CCDC83: variants seen among roughly 807,000 people sequenced by gnomAD.
The protein encoded by CCDC83 is coiled-coil domain-containing protein 83.
A neutral mutation model predicts 50.1 loss-of-function variants in CCDC83; 54 were observed. The observed-to-expected ratio is 1.08, with a 90% CI of 0.87 to 1.35. CCDC83 has a LOEUF of 1.35. Among genes scored for constraint, CCDC83 ranks in the 40% most tolerant of loss-of-function variants. CCDC83 has a pLI of 0.00. For missense variants in CCDC83, 518 were observed against 473.9 expected (o/e 1.09, Z -0.86); for synonymous variants, 161 against 153.3 (o/e 1.05, Z -0.37).
rs752913568 is a variant in CCDC83, at chr11:85,911,373, CT to C, written c.766del (p.Cys256ValfsTer20). ...TGGTGCTTATTGATCAACTATCCAA[CT>C]GTAGACTTGTGGATCTCAAGATACC... ...NLVLIDQLSN[C>X]RLVDLKIPRR... On this transcript the variant is annotated frameshift_variant, in exon 8 of 11. Coordinates refer to ENST00000342404, the MANE Select transcript of CCDC83 (RefSeq NM_001286159.2). LOFTEE classifies it high-confidence loss of function. The C allele has an allele frequency of 4.3e-6, 7 of 1,609,848 alleles. No individual in the cohort carries two copies. The South Asian group carries it at 6.7e-5, about 15-fold the overall frequency.
At chr11:85,879,976 T>C (rs570333036) in intron 3 of CCDC83, among the ~76,000 whole-genome samples, 20 of 152,206 alleles carry the variant, frequency 1.3e-4, no homozygotes, top group Non-Finnish European at 2.1e-4. Context: ...CCTACCCCTC[T>C]GTCTATACCA....
At chr11:85,870,735 T>A (rs1334271158) in intron 2 of CCDC83, among the ~76,000 whole-genome samples, 1 of 152,230 alleles carries the variant, frequency 6.6e-6, no homozygotes, top group Non-Finnish European at 1.5e-5. Flanking sequence ...TTTATGGTCC[T>A]TCTTATATCC....
chr11:85,864,602 T>G (rs2093196376), intron 1 of CCDC83, among the ~76,000 whole-genome samples: 1 of 152,234 alleles, frequency 6.6e-6, no homozygotes. Context: ...ATTTGCTGTT[T>G]GTAACAACCC....
intron 3 of CCDC83, among the ~76,000 whole-genome samples, chr11:85,875,918 C>T (rs918210440): frequency 1.3e-5 from 2 of 152,182 alleles, no homozygotes; most frequent in African/African-American, 4.8e-5. Context: ...CTGTCTACTT[C>T]CCTACTCTCC....
intron 10 of CCDC83, 97 bp downstream of exon 10, chr11:85,916,330 A>C: frequency 1.1e-6 from 1 of 920,194 alleles, no homozygotes; most frequent in Non-Finnish European, 1.7e-6. Context: ...ATGGATATTG[A>C]AAATTCCATT....
chr11:85,906,049 A>C (rs2135118744), intron 7 of CCDC83, among the ~76,000 whole-genome samples: 1 of 151,688 alleles, frequency 6.6e-6, no homozygotes, highest in South Asian at 2.1e-4. Flanking sequence ...TATGATCCTA[A>C]TCAAATAACT....
chr11:85,865,153 G>T lies in CCDC83; in HGVS notation c.30G>T (p.Lys10Asn). The T allele has an allele frequency of 1.2e-6, 2 of 1,612,828 alleles. No homozygotes were observed. Among genetic ancestry groups the T allele is most frequent in the Non-Finnish European group, 1.7e-6 (2 of 1,178,934 alleles). The change falls in exon 2 of 11, where the codon AAG becomes AAT. Residue 10 changes from lysine to asparagine, a missense_variant. Coordinates refer to ENST00000342404, the MANE Select transcript of CCDC83 (RefSeq NM_001286159.2). ...AAAACTCAGGGAAAGCAAATAAAAA[G>T]GATACACATGACGGGCCACCAAAAG... MENSGKANK[K>N]DTHDGPPKEI...
intron 1 of CCDC83, among the ~76,000 whole-genome samples, chr11:85,860,182 G>A (rs1041310557): frequency 6.6e-6 from 1 of 151,484 alleles, no homozygotes; most frequent in Non-Finnish European, 1.5e-5. Flanking sequence ...CGTGCCTGTA[G>A]TCCCAGCTAC....
Position 85,916,116 on chromosome 11 carries a change from T to G in CCDC83, c.963T>G (p.His321Gln). 6.2e-7 allele frequency: 1 copy of G among 1,613,178 alleles called. No homozygotes were observed. The highest frequency in any genetic ancestry group is 8.5e-7 in the Non-Finnish European group (1 of 1,179,276). Reference protein sequence around the residue: ...SDESTILHLSHENSIEDLQYV... With the variant: ...SDESTILHLSQENSIEDLQYV... The stretch of plus-strand genomic sequence containing the variant: ...AGAGCACTATCTTACATCTTAGTCA[T>G]GAAAATAGCATCGAAGATCTCCAGT... Residue 321 changes from histidine (H) to glutamine (Q), a missense_variant, in exon 10 of 11, where the codon CAT becomes CAG. Coordinates refer to ENST00000342404, the MANE Select transcript of CCDC83 (RefSeq NM_001286159.2).
At chr11:85,869,059 T>C (rs1038088200) in intron 2 of CCDC83, among the ~76,000 whole-genome samples, 5 of 152,228 alleles carry the variant, frequency 3.3e-5, no homozygotes, top group African/African-American at 1.2e-4. Context: ...AATACAATGT[T>C]ATTTTTGCCT....
At chr11:85,916,320 A>G in intron 10 of CCDC83, 87 bp downstream of exon 10, 1 of 969,364 alleles carries the variant, frequency 1.0e-6, no homozygotes. Context: ...AACCTAAAAT[A>G]TGGATATTGA....
chr11:85,886,939 A>C (rs569348767), intron 5 of CCDC83, among the ~76,000 whole-genome samples: 1 of 152,172 alleles, frequency 6.6e-6, no homozygotes, highest in Non-Finnish European at 1.5e-5. Context: ...TCTTCATTCA[A>C]TGGATGGGGT....
intron 1 of CCDC83, among the ~76,000 whole-genome samples, chr11:85,861,022 C>G (rs1325307724): frequency 6.6e-6 from 1 of 151,964 alleles, no homozygotes; most frequent in Non-Finnish European, 1.5e-5. Flanking sequence ...AATTGTGGGG[C>G]CACAAGGCGA....
Position 85,886,182 on chromosome 11 carries a change from T to G in CCDC83, c.344-18T>G, listed in dbSNP as rs2093325881. On this transcript the variant is annotated intron_variant, in intron 4 of 10. Coordinates refer to ENST00000342404, the MANE Select transcript of CCDC83 (RefSeq NM_001286159.2). ...TACAAGGAAAACAGAAATGACACAG[T>G]GTCTTTATTTTCAACAGATATGCGC... The G allele has an allele frequency of 6.6e-7, 1 of 1,512,672 alleles. No individual in the cohort carries two copies. The highest frequency in any genetic ancestry group is 1.4e-5 in the South Asian group (1 of 73,120). 93.7% of individuals were successfully genotyped at this position (1,512,672 alleles called of 1,614,324 possible). A position where few individuals can be genotyped will look rare whatever the true frequency, so the allele number is the denominator to read the frequency against.
chr11:85,914,090 C>A (rs573261575), intron 8 of CCDC83, among the ~76,000 whole-genome samples: 1 of 152,160 alleles, frequency 6.6e-6, no homozygotes, highest in Non-Finnish European at 1.5e-5. Flanking sequence ...TACTAAGGTA[C>A]CTTTACTAAA....
At chr11:85,882,267 T>C (rs2093304426) in intron 3 of CCDC83, among the ~76,000 whole-genome samples, 1 of 152,188 alleles carries the variant, frequency 6.6e-6, no homozygotes, top group South Asian at 2.1e-4. Context: ...AACCTGGACA[T>C]TTTTTTAATA....
chr11:85,899,012 A>C lies in CCDC83; in HGVS notation c.669A>C (p.Lys223Asn), dbSNP rs375388919. ...TCTGGGAGAATGACTGGCTCAAAAAAGAGGTAAGTGGAATTTATCAAAACA... is the reference window on the plus strand; with the variant it reads ...TCTGGGAGAATGACTGGCTCAAAAACGAGGTAAGTGGAATTTATCAAAACA... ...LEIWENDWLK[K>N]EVAIHRKEVE... The change falls in exon 7 of 11, where the codon AAA (lysine) becomes AAC (asparagine). Residue 223 changes from lysine to asparagine, a missense_variant. Physicochemically the swap from Lys to Asn is moderately conservative, Grantham distance 94 (BLOSUM62 0). Coordinates refer to ENST00000342404, the MANE Select transcript of CCDC83 (RefSeq NM_001286159.2). 1.2e-6 allele frequency: 2 copies of C among 1,605,166 alleles called. No individual in the cohort carries two copies. Among genetic ancestry groups the C allele is most frequent in the Non-Finnish European group, 1.7e-6 (2 of 1,172,622 alleles).
At chr11:85,867,910 T>C (rs1017045973) in intron 2 of CCDC83, among the ~76,000 whole-genome samples, 1 of 152,248 alleles carries the variant, frequency 6.6e-6, no homozygotes, top group African/African-American at 2.4e-5. Context: ...TGCTGTACCA[T>C]GCTCTACTGA....
intron 7 of CCDC83, among the ~76,000 whole-genome samples, chr11:85,900,800 C>T (rs1472507482): frequency 6.6e-6 from 1 of 152,192 alleles, no homozygotes; most frequent in Non-Finnish European, 1.5e-5. Context: ...CATAGTGGCT[C>T]ACACCTCTAA....
Sources: gnomAD v4.1 joint callset for allele counts (sites outside exome capture counted in the v4.1 genomes callset) on GRCh38, gnomAD v4.1.1 for gene constraint, MANE v1.5 for transcripts, NCBI Gene and HGNC (gene_info 2026-07-23, HGNC 2026-07-21) for gene names.